MYO9B: variants seen among roughly 807,000 people sequenced by gnomAD.
MYO9B encodes myosin IXB, also known as unconventional myosin-IXb.
In MYO9B, 71 loss-of-function variants were observed where a neutral mutation model predicts 229.5. The observed-to-expected ratio is 0.31, with a 90% CI of 0.26 to 0.38. The LOEUF (loss-of-function observed/expected upper bound fraction) is 0.38. Among genes scored for constraint, MYO9B ranks in the 10% least tolerant of loss-of-function variants. The pLI is 1.00. For synonymous variants in MYO9B, 1,185 were observed against 1,235.8 expected, an observed-to-expected ratio of 0.96 and a Z score of 0.86; for missense variants, 2,255 against 2,920.5, an observed-to-expected ratio of 0.77 and a Z score of 5.25.
chr19:17,136,723 G>T (rs2072274689), intron 2 of MYO9B, among the ~76,000 whole-genome samples: 2 of 152,112 alleles, frequency 1.3e-5, no homozygotes, highest in Admixed American at 1.3e-4. Context: ...AACTTCACCA[G>T]CAGAGCCCTT....
intron 2 of MYO9B, among the ~76,000 whole-genome samples, chr19:17,133,060 A>G (rs1323182144): frequency 1.3e-5 from 2 of 151,202 alleles, no homozygotes; most frequent in African/African-American, 4.9e-5. Context: ...GATAGCCAGG[A>G]TGGTCTCGAT....
chr19:17,154,433 CGGGGCCT>C lies in MYO9B; in HGVS notation c.1199+20_1199+26del. 1.3e-6 allele frequency: 2 copies of C among 1,593,398 alleles called. No homozygotes were observed. The highest frequency in any genetic ancestry group is 1.7e-6 in the Non-Finnish European group (2 of 1,165,344). The stretch of plus-strand genomic sequence containing the variant: ...AAGAAGCAGTAAGTGTGCGGGCTCC[CGGGGCCT>C]GTCCCCCAGAGCCTACAGGGGGCAC... On this transcript the variant is annotated intron_variant, in intron 6 of 39. Transcript: ENST00000682292.
chr19:17,104,751 A>G (rs2057777740), intron 2 of MYO9B, among the ~76,000 whole-genome samples: 1 of 152,088 alleles, frequency 6.6e-6, no homozygotes, highest in African/African-American at 2.4e-5. Flanking sequence ...ACAAAAAAAC[A>G]GATTGGTTGT....
intron 2 of MYO9B, among the ~76,000 whole-genome samples, chr19:17,139,985 G>A (rs2072317734): frequency 1.3e-5 from 2 of 151,922 alleles, no homozygotes; most frequent in Admixed American, 1.3e-4. Context: ...AGGTTGTGGT[G>A]AGCTGAGATC....
At position 17,200,705 on chromosome 19, in the gene MYO9B, G is replaced by A. The variant is rs1568299637; in HGVS notation, c.4439G>A (p.Gly1480Glu). The change falls in exon 26 of 40, where the codon GGG becomes GAG. Residue 1480 changes from glycine (G) to glutamate (E), a missense_variant. By Grantham distance (98) the Gly-to-Glu change is moderately conservative. This residue lies in a region of MYO9B where 416 missense variants were observed against 605.5 expected (regional missense o/e 0.69). Transcript: ENST00000682292. ...EKRTKEPGGKGKKNRNVKIGK... is the reference protein window; with the variant it reads ...EKRTKEPGGKEKKNRNVKIGK... Reference sequence around the variant, plus strand: ...CGCACCAAGGAACCAGGAGGCAAAGGGAAGAAGAACCGAAATGTCAAGATT... The same window carrying A: ...CGCACCAAGGAACCAGGAGGCAAAGAGAAGAAGAACCGAAATGTCAAGATT... The A allele has an allele frequency of 1.2e-6, 2 of 1,614,070 alleles. No individual in the cohort carries two copies. Among genetic ancestry groups the A allele is most frequent in the Non-Finnish European group, 1.7e-6 (2 of 1,179,904 alleles).
In MYO9B at chr19:17,212,456, G is replaced by A; in HGVS notation, c.*146G>A. The A allele has an allele frequency of 9.6e-7, 1 of 1,046,354 alleles. No homozygotes were observed. The highest frequency in any genetic ancestry group is 2.0e-5 in the South Asian group (1 of 50,124). The allele number at this position is 1,046,354 out of a possible 1,614,324, so 64.8% of individuals were successfully genotyped here. A position where few individuals can be genotyped will look rare whatever the true frequency, so the allele number is the denominator to read the frequency against. ...GACGTGAGGTGGGCACCGGCCCCAA[G>A]TGCAGAGTCAAGGCAGGGAGAGGCC... On this transcript the variant is annotated 3_prime_UTR_variant, in exon 40 of 40. Transcript: ENST00000682292. This position sits in a 1 kb window ranked among gnomAD's most constrained non-coding sequence, Gnocchi z 5.4.
At chr19:17,125,776 G>T (rs994890383) in intron 2 of MYO9B, among the ~76,000 whole-genome samples, 1 of 152,208 alleles carries the variant, frequency 6.6e-6, no homozygotes, top group African/African-American at 2.4e-5. Context: ...GCTATCGAGA[G>T]CCTGCCGGGG....
rs1341792806 is a variant in MYO9B at position 17,210,693 on chromosome 19, ACC to A, written c.5797-19_5797-18del. On this transcript the variant is annotated intron_variant, in intron 37 of 39. Transcript: ENST00000682292. ...TCGCCCACTCAGAGATGTCAGTGGG[ACC>A]CCTTGCTTCTTTGTTTCAGAACAAG... The A allele has an allele frequency of 6.6e-7, 1 of 1,519,220 alleles. No homozygotes were observed. Among genetic ancestry groups the A allele is most frequent in the Admixed American group, 2.1e-5 (1 of 46,658 alleles). The allele number at this position is 1,519,220 out of a possible 1,614,324, so 94.1% of individuals were successfully genotyped here.
chr19:17,211,054 G>A (rs1299241752), intron 38 of MYO9B, among the ~76,000 whole-genome samples: 1 of 146,140 alleles, frequency 6.8e-6, no homozygotes, highest in Non-Finnish European at 1.5e-5. Context: ...TGCTATCTCG[G>A]CTCACTGCAA....
chr19:17,146,830 AC>A (rs2072417051), intron 3 of MYO9B, among the ~76,000 whole-genome samples: 1 of 152,224 alleles, frequency 6.6e-6, no homozygotes, highest in African/African-American at 2.4e-5. Context: ...TCCCCCACTA[AC>A]TATAGATTCT....
Position 17,212,573 on chromosome 19 carries a change from C to T in MYO9B, c.*263C>T. The T allele has an allele frequency of 4.5e-6, 2 of 443,818 alleles. No homozygotes were observed. Among genetic ancestry groups the T allele is most frequent in the Non-Finnish European group, 7.9e-6 (2 of 252,422 alleles). 27.5% of individuals were successfully genotyped at this position (443,818 alleles called of 1,614,324 possible). A position where few individuals can be genotyped will look rare whatever the true frequency, so the allele number is the denominator to read the frequency against. On this transcript the variant is annotated 3_prime_UTR_variant, in exon 40 of 40. Transcript: ENST00000682292. The surrounding 1 kb of genome is among the most constrained non-coding windows in gnomAD (Gnocchi z 5.4). ...CTCCACCTGCGGCCTCACATCTCCC[C>T]ACTCCCCTTTTTGTACGTTTAACTG...
chr19:17,166,514 T>A (rs1240111867), intron 10 of MYO9B, among the ~76,000 whole-genome samples: 1 of 152,090 alleles, frequency 6.6e-6, no homozygotes. Context: ...TTTTTTTCAC[T>A]TTGAAGTTCA....
chr19:17,105,477 A>C (rs922902256), intron 2 of MYO9B, among the ~76,000 whole-genome samples: 1 of 152,138 alleles, frequency 6.6e-6, no homozygotes, highest in Admixed American at 6.6e-5. Flanking sequence ...CCTAGGTGAC[A>C]GAGCGAGACC....
chr19:17,207,098 C>T lies in MYO9B; in HGVS notation c.5493-15C>T, dbSNP rs1210208260. The T allele has an allele frequency of 6.2e-7, 1 of 1,610,624 alleles. No homozygotes were observed. Among genetic ancestry groups the T allele is most frequent in the African/African-American group, 1.3e-5 (1 of 74,988 alleles). On this transcript the variant is annotated splice_polypyrimidine_tract_variant and intron_variant, in intron 34 of 39. Coordinates refer to ENST00000682292, the MANE Select transcript of MYO9B (RefSeq NM_004145.4). ...CTCGGCCCTAGCCATCCTCTAACTGCCAGTGGCTGTGCAGGGTGGCCCTGC... is the reference window on the plus strand; with the variant it reads ...CTCGGCCCTAGCCATCCTCTAACTGTCAGTGGCTGTGCAGGGTGGCCCTGC...
rs1051528651 is a variant in MYO9B, at chr19:17,154,525, A to G, written c.1199+110A>G. On this transcript the variant is annotated intron_variant, in intron 6 of 39. Transcript: ENST00000682292. ...TGCAACCCAGTGAAAACAGGCAGGC[A>G]GTGTCCTGAACAGTGCCGCCATAGG... is the stretch of plus-strand genomic sequence containing the variant. 69 of 787,464 alleles carry G rather than the reference A, an allele frequency of 8.8e-5. No homozygotes were observed. The East Asian group carries it at 1.3e-3, about 15-fold the overall frequency. 48.8% of individuals were successfully genotyped at this position (787,464 alleles called of 1,614,324 possible).
In MYO9B at chr19:17,209,747, T is replaced by G. The variant is rs776248009; in HGVS notation, c.5748+38T>G. On this transcript the variant is annotated intron_variant, in intron 36 of 39. Coordinates refer to ENST00000682292, the MANE Select transcript of MYO9B (RefSeq NM_004145.4). ...GATCGTGGGGGCGGGACCTCTTTGG[T>G]GGGGCGGAGCCTGGTGCTGGGCAGG... 44 of 1,528,312 alleles carry G rather than the reference T, an allele frequency of 2.9e-5. 1 individual carries two copies. The South Asian group carries it at 4.7e-4, about 16-fold the overall frequency. The allele number at this position is 1,528,312 out of a possible 1,614,324, so 94.7% of individuals were successfully genotyped here. A position where few individuals can be genotyped will look rare whatever the true frequency, so the allele number is the denominator to read the frequency against.
intron 36 of MYO9B, 73 bp from the exon 37 acceptor site, chr19:17,210,260 T>G (rs571214259): frequency 7.0e-7 from 1 of 1,436,210 alleles, no homozygotes; most frequent in African/African-American, 1.4e-5. Flanking sequence ...GTACCGGTCA[T>G]TGGATGTATC....
intron 2 of MYO9B, among the ~76,000 whole-genome samples, chr19:17,119,500 A>G (rs577551407): frequency 3.9e-5 from 6 of 152,294 alleles, no homozygotes; most frequent in East Asian, 1.9e-4. Flanking sequence ...CGGTCCTCCT[A>G]TGCCTGAGTG....
In MYO9B at chr19:17,162,371, A is replaced by G. The variant is rs2072613209; in HGVS notation, c.1441A>G (p.Met481Val). The change falls in exon 9 of 40, where the codon ATG (methionine) becomes GTG (valine). Residue 481 changes from methionine to valine, a missense_variant. By Grantham distance (21) the Met-to-Val change is conservative. Coordinates refer to ENST00000682292, the MANE Select transcript of MYO9B (RefSeq NM_004145.4). ...LSEAITARDSMAKSLYSALFD... is the reference protein window; with the variant it reads ...LSEAITARDSVAKSLYSALFD... ...ACAGGCCATCACTGCCCGCGACTCC[A>G]TGGCCAAGTCTCTGTACAGCGCCCT... 2 of 1,583,480 alleles carry G rather than the reference A, an allele frequency of 1.3e-6. No homozygotes were observed. The highest frequency in any genetic ancestry group is 8.6e-7 in the Non-Finnish European group (1 of 1,166,098).
Sources: allele counts gnomAD v4.1 joint callset (sites outside exome capture counted in the v4.1 genomes callset), GRCh38; gene constraint gnomAD v4.1.1; regional missense constraint gnomAD v4.1.1; non-coding constraint Gnocchi (gnomAD v3.1); transcripts MANE v1.5; gene names NCBI Gene and HGNC (gene_info 2026-07-23, HGNC 2026-07-21).